The following RALGDS variants were observed in gnomAD, a reference collection of about 807,000 sequenced individuals.
The protein encoded by RALGDS is ral guanine nucleotide exchange factor.
In RALGDS, 44 loss-of-function variants were observed where a neutral mutation model predicts 99.8. The ratio of observed to expected loss-of-function variants is 0.44; its 90% confidence interval spans 0.35 to 0.57. The LOEUF (loss-of-function observed/expected upper bound fraction) is 0.57, where lower values mean the gene tolerates loss of function less well. Among genes scored for constraint, RALGDS ranks in the 20% least tolerant of loss-of-function variants. The pLI, the probability that RALGDS is intolerant of heterozygous loss-of-function variation, is 0.01. For missense variants in RALGDS, 1,022 were observed against 1,203.1 expected (o/e 0.85, Z 2.23); for synonymous variants, 529 against 505.0 (o/e 1.05, Z -0.64).
intron 1 of RALGDS, among the ~76,000 whole-genome samples, chr9:133,140,784 G>T (rs1459712278): frequency 6.6e-6 from 1 of 152,176 alleles, no homozygotes; most frequent in Non-Finnish European, 1.5e-5. Flanking sequence ...CCTTGGTGCT[G>T]GGCTGGGGGC....
chr9:133,108,993 T>C lies in RALGDS; in HGVS notation c.585-127A>G, dbSNP rs73662451. 0.013 allele frequency: 12,525 copies of C among 947,538 alleles called. 874 individuals are homozygous for C. In the African/African-American group the frequency reaches 0.16, roughly 12 times the overall value. 58.7% of individuals were successfully genotyped at this position (947,538 alleles called of 1,614,324 possible). On this transcript the variant is annotated intron_variant, in intron 4 of 17. Transcript: ENST00000372050. ...GCCCAAGCCCCCTTGGCTGTCCAGC[T>C]AAAAGAACCAAGGAGGCCCCTGGTC... is the stretch of plus-strand genomic sequence containing the variant.
At chr9:133,120,785 C>A (rs1831891239) in intron 1 of RALGDS, among the ~76,000 whole-genome samples, 187 bp downstream of exon 1, 1 of 152,090 alleles carries the variant, frequency 6.6e-6, no homozygotes, top group Non-Finnish European at 1.5e-5. Flanking sequence ...GCGGCGGCAG[C>A]CCCCACTGCC....
intron 1 of RALGDS, among the ~76,000 whole-genome samples, chr9:133,114,162 G>T (rs551458207): frequency 1.6e-4 from 24 of 152,336 alleles, no homozygotes; most frequent in South Asian, 1.4e-3. Flanking sequence ...TCTGCCAGCC[G>T]GGTGGTGGGG....
At chr9:133,102,340 C>T (rs1280270741) in intron 14 of RALGDS, 136 bp downstream of exon 14, 3 of 1,126,480 alleles carry the variant, frequency 2.7e-6, no homozygotes, top group Admixed American at 2.0e-5. Context: ...TGAGGGGACT[C>T]ATCCCAGTCT....
chr9:133,133,142 C>T (rs562843383), upstream of RALGDS, among the ~76,000 whole-genome samples: 16 of 152,372 alleles, frequency 1.1e-4, 1 homozygote, highest in Admixed American at 9.8e-4. Flanking sequence ...CTTCCCAAGC[C>T]TGTTACCCCC....
At chr9:133,131,364 A>T (rs1221741772), upstream of RALGDS, among the ~76,000 whole-genome samples, 1 of 151,444 alleles carries the variant, frequency 6.6e-6, no homozygotes, top group South Asian at 2.1e-4. Flanking sequence ...ACCTCCCTGT[A>T]CTCACCCTGT....
chr9:133,132,797 G>A (rs1832362546), upstream of RALGDS, among the ~76,000 whole-genome samples: 2 of 152,100 alleles, frequency 1.3e-5, no homozygotes, highest in African/African-American at 4.8e-5. Context: ...GCGGCACCAC[G>A]CCCAGCTAAT....
Position 133,102,499 on chromosome 9 carries a change from T to C in RALGDS, c.1986A>G (p.Thr662=). The change falls in exon 14 of 18, where the codon ACA becomes ACG. Residue 662 remains threonine (T), a synonymous_variant. Coordinates refer to ENST00000372050, the MANE Select transcript of RALGDS (RefSeq NM_006266.4). The stretch of plus-strand genomic sequence containing the variant: ...ACTCGCTCCAGCGCTTGACAATGGC[T>C]GTGTTCTTCTTGGTCCTGAGGGTGT... ...ASNTLRTKKN[T]AIVKRWSDRQ... 6.2e-7 allele frequency: 1 copy of C among 1,614,108 alleles called. No individual in the cohort carries two copies. The highest frequency in any genetic ancestry group is 8.5e-7 in the Non-Finnish European group (1 of 1,180,004).
intron 3 of RALGDS, 66 bp from the exon 4 acceptor site, chr9:133,109,787 A>G (rs1270231325): frequency 1.8e-6 from 2 of 1,129,092 alleles, no homozygotes; most frequent in South Asian, 1.4e-5. Context: ...GAGGGCAGGG[A>G]TTTTTTTTTT....
intron 1 of RALGDS, among the ~76,000 whole-genome samples, chr9:133,127,885 A>T (rs1832212757): frequency 6.6e-6 from 1 of 152,222 alleles, no homozygotes. Context: ...CCGTCCCAGC[A>T]CAACCAGAAC....
chr9:133,107,456 T>C (rs1831124863), intron 6 of RALGDS, among the ~76,000 whole-genome samples, 156 bp from the exon 7 acceptor site: 1 of 152,204 alleles, frequency 6.6e-6, no homozygotes, highest in South Asian at 2.1e-4. Context: ...GACAGAACGC[T>C]GGTGGGAAGA....
At chr9:133,123,765 C>CAGAGACACAAAGAT, upstream of RALGDS, among the ~76,000 whole-genome samples, 1 of 136,820 alleles carries the variant, frequency 7.3e-6, no homozygotes, top group Non-Finnish European at 1.6e-5. Flanking sequence ...CACACACACA[C>CAGAGACACAAAGAT]ACACAGAGAC....
intron 1 of RALGDS, among the ~76,000 whole-genome samples, chr9:133,115,711 C>T (rs1181766327): frequency 6.6e-6 from 1 of 152,228 alleles, no homozygotes; most frequent in Non-Finnish European, 1.5e-5. Flanking sequence ...CGGACAACAC[C>T]TGACATCATA....
At chr9:133,129,395 G>C (rs1443416792) in intron 1 of RALGDS, 5 of 1,448,724 alleles carry the variant, frequency 3.5e-6, no homozygotes, top group Non-Finnish European at 4.5e-6. Context: ...GCGTGCCCTA[G>C]TGGAGTGGAG....
upstream of RALGDS, among the ~76,000 whole-genome samples, chr9:133,134,182 G>T (rs1042128671): frequency 5.3e-5 from 8 of 152,314 alleles, 1 homozygote; most frequent in South Asian, 1.7e-3. Context: ...TGGTCGTGCA[G>T]GAGACAGATC....
chr9:133,114,851 T>A (rs564622161), intron 1 of RALGDS, among the ~76,000 whole-genome samples: 6 of 152,214 alleles, frequency 3.9e-5, no homozygotes, highest in Non-Finnish European at 7.3e-5. Context: ...GTAAACACAC[T>A]GTCTGGCCTT....
chr9:133,143,582 T>A (rs972583898), intron 1 of RALGDS, among the ~76,000 whole-genome samples: 2 of 151,576 alleles, frequency 1.3e-5, no homozygotes, highest in Non-Finnish European at 2.9e-5. Flanking sequence ...ATGGTGAAAC[T>A]GTTTCTACAA....
intron 16 of RALGDS, chr9:133,100,776 G>A (rs1415157966): frequency 6.1e-6 from 7 of 1,154,996 alleles, no homozygotes; most frequent in Non-Finnish European, 7.6e-6. Flanking sequence ...CGGCCAGGAT[G>A]CTCAGTGTGG....
chr9:133,114,099 T>C (rs1287583040), intron 1 of RALGDS, among the ~76,000 whole-genome samples: 1 of 152,142 alleles, frequency 6.6e-6, no homozygotes, highest in Non-Finnish European at 1.5e-5. Flanking sequence ...GGCCCAGCCC[T>C]GCTTGGTGTC....
Sources: gnomAD v4.1 joint callset for allele counts (sites outside exome capture counted in the v4.1 genomes callset) on GRCh38, gnomAD v4.1.1 for gene constraint, MANE v1.5 for transcripts, NCBI Gene and HGNC (gene_info 2026-07-23, HGNC 2026-07-21) for gene names.